DSCAML1: variants seen among roughly 807,000 people sequenced by gnomAD.
DSCAML1 encodes the protein DS cell adhesion molecule like 1.
In DSCAML1, 38 loss-of-function variants were observed where a neutral mutation model predicts 200.5. The ratio of observed to expected loss-of-function variants is 0.19; its 90% CI spans 0.15 to 0.25. The LOEUF is 0.25. Ranked by LOEUF, DSCAML1 falls within the 10% of genes least tolerant of loss-of-function variation. The pLI is 1.00. For missense variants in DSCAML1, 2,223 were observed against 2,858.8 expected (o/e 0.78, Z 5.07); for synonymous variants, 1,215 against 1,165.0 (o/e 1.04, Z -0.87).
At chr11:117,546,697 G>T (rs1263551340) in intron 3 of DSCAML1, among the ~76,000 whole-genome samples, 1 of 152,040 alleles carries the variant, frequency 6.6e-6, no homozygotes, top group Non-Finnish European at 1.5e-5. Context: ...GGTGCAGAGG[G>T]TGGGGAGCAG....
chr11:117,616,467 T>C (rs1591325946), intron 3 of DSCAML1, among the ~76,000 whole-genome samples: 1 of 152,252 alleles, frequency 6.6e-6, no homozygotes, highest in East Asian at 1.9e-4. Context: ...TAGTATTTCA[T>C]CACATGAATA....
Position 117,565,999 on chromosome 11 carries a change from T to A in DSCAML1, c.512-33477A>T, listed in dbSNP as rs75858119. On this transcript the variant is annotated intron_variant, in intron 3 of 32. Coordinates refer to ENST00000651296, the MANE Select transcript of DSCAML1 (RefSeq NM_020693.4). The stretch of plus-strand genomic sequence containing the variant: ...TGACAAAGTGGGGCCTGAGGACTGG[T>A]AGCCTAAGCCAGGTTCTCAGAGCTC... Among the ~76,000 whole-genome samples, 572 of 152,348 alleles carry A rather than the reference T, an allele frequency of 3.8e-3. 7 individuals carry two copies. Among genetic ancestry groups the A allele is most frequent in the African/African-American group, 0.013 (544 of 41,584 alleles).
chr11:117,801,785 C>T (rs2055661388), upstream of DSCAML1: 1 of 152,216 alleles, frequency 6.6e-6, no homozygotes, highest in Non-Finnish European at 1.5e-5. Flanking sequence ...CTCTGGGGTC[C>T]CATTGCCCTT....
chr11:117,444,160 T>G (rs2048128900), intron 20 of DSCAML1, 121 bp from the exon 21 acceptor site: 1 of 1,198,746 alleles, frequency 8.3e-7, no homozygotes, highest in Non-Finnish European at 1.1e-6. Context: ...GGCAGGATTC[T>G]GTCCTATTTG....
At chr11:117,483,114 G>A (rs148863123) in intron 11 of DSCAML1, among the ~76,000 whole-genome samples, 1,941 of 152,332 alleles carry the variant, frequency 0.013, 37 homozygotes, top group African/African-American at 0.045. Context: ...CTGGGCCTGA[G>A]CACCTGCGGC....
chr11:117,479,622 C>T (rs2048867289), intron 14 of DSCAML1, among the ~76,000 whole-genome samples: 1 of 152,098 alleles, frequency 6.6e-6, no homozygotes. Context: ...AGCCAGTTGG[C>T]ACCTGAGAGG....
At chr11:117,604,401 TCTCCCTCCCTCCCAGCGCCTGCCC>T (rs904197278) in intron 3 of DSCAML1, among the ~76,000 whole-genome samples, 1 of 151,170 alleles carries the variant, frequency 6.6e-6, no homozygotes, top group African/African-American at 2.4e-5. Flanking sequence ...TGCACAGAGA[TCTCCCTCCCTCCCAGCGCCTGCCC>T]CTCCCTCCCT....
intron 3 of DSCAML1, among the ~76,000 whole-genome samples, chr11:117,673,931 T>A (rs1357173729): frequency 6.6e-6 from 1 of 152,238 alleles, no homozygotes; most frequent in Non-Finnish European, 1.5e-5. Context: ...AGGCTGGAGC[T>A]GGCCTGGGAA....
chr11:117,790,319 G>A (rs1286191781), intron 1 of DSCAML1, among the ~76,000 whole-genome samples: 4 of 152,234 alleles, frequency 2.6e-5, no homozygotes, highest in Non-Finnish European at 4.4e-5. Flanking sequence ...GGAATGGGAG[G>A]AGGGAGAAGA....
chr11:117,778,153 TC>T (rs565617376), intron 2 of DSCAML1, among the ~76,000 whole-genome samples: 114 of 152,322 alleles, frequency 7.5e-4, no homozygotes, highest in African/African-American at 2.4e-3. Context: ...CTTTATTCTT[TC>T]CCCTTCTCCA....
intron 1 of DSCAML1, among the ~76,000 whole-genome samples, chr11:117,808,013 G>A (rs182219461): frequency 6.0e-4 from 92 of 152,286 alleles, no homozygotes; most frequent in African/African-American, 2.2e-3. Context: ...GTAGAGATGG[G>A]GTTTCACTTT....
chr11:117,548,072 G>C (rs1043340578), intron 3 of DSCAML1, among the ~76,000 whole-genome samples: 1 of 152,252 alleles, frequency 6.6e-6, no homozygotes, highest in Non-Finnish European at 1.5e-5. Flanking sequence ...AGACATGCAA[G>C]GCCTGGTACT....
rs1485413604 is a variant in DSCAML1 at position 117,780,311 on chromosome 11, A to G, written c.364+182T>C. On this transcript the variant is annotated intron_variant, in intron 2 of 32. Coordinates refer to ENST00000651296, the MANE Select transcript of DSCAML1 (RefSeq NM_020693.4). This position sits in a 1 kb window ranked among gnomAD's most constrained non-coding sequence, Gnocchi z 4.8. The stretch of plus-strand genomic sequence containing the variant: ...AAGAAAGAAAGAAAGAAAGAGAGAA[A>G]GGAGAAAGAAAGGTGTCTCTTATGC... Among the ~76,000 whole-genome samples, 1 of 149,230 alleles carries G rather than the reference A, an allele frequency of 6.7e-6. No homozygotes were observed. The highest frequency in any genetic ancestry group is 2.5e-5 in the African/African-American group (1 of 40,252).
At chr11:117,501,615 G>T (rs2049396906) in intron 11 of DSCAML1, among the ~76,000 whole-genome samples, 1 of 152,150 alleles carries the variant, frequency 6.6e-6, no homozygotes, top group African/African-American at 2.4e-5. Context: ...AATGGGAGGG[G>T]ACATTTGTGA....
At chr11:117,440,148 T>G (rs952752431) in intron 21 of DSCAML1, among the ~76,000 whole-genome samples, 1 of 152,158 alleles carries the variant, frequency 6.6e-6, no homozygotes, top group Non-Finnish European at 1.5e-5. Context: ...ATGGTCAGGA[T>G]CACAAGAGGC....
chr11:117,733,378 G>A (rs2054259308), intron 3 of DSCAML1, among the ~76,000 whole-genome samples: 1 of 152,200 alleles, frequency 6.6e-6, no homozygotes, highest in African/African-American at 2.4e-5. Context: ...AGTGAGTGGG[G>A]GTGAATGATG....
intron 3 of DSCAML1, among the ~76,000 whole-genome samples, chr11:117,597,306 A>G (rs892680122): frequency 6.6e-6 from 1 of 152,216 alleles, no homozygotes; most frequent in Non-Finnish European, 1.5e-5. Context: ...GAACGGCCTC[A>G]GTCACCTTAC....
chr11:117,700,184 T>C (rs2053643569), intron 3 of DSCAML1, among the ~76,000 whole-genome samples: 1 of 152,226 alleles, frequency 6.6e-6, no homozygotes. Context: ...GTTTGAAGAA[T>C]GAATGAGTTT....
chr11:117,635,254 G>C (rs902490367), intron 3 of DSCAML1, among the ~76,000 whole-genome samples: 1 of 152,174 alleles, frequency 6.6e-6, no homozygotes, highest in Admixed American at 6.5e-5. Flanking sequence ...GATGGGGAGG[G>C]AGACAGAAAG....
Sources: gnomAD v4.1 joint callset for allele counts (sites outside exome capture counted in the v4.1 genomes callset) on GRCh38, gnomAD v4.1.1 for gene constraint, Gnocchi (gnomAD v3.1) non-coding constraint, MANE v1.5 for transcripts, NCBI Gene and HGNC (gene_info 2026-07-23, HGNC 2026-07-21) for gene names.